Variants in LRRC4C observed in about 807,000 individuals in gnomAD.
The protein encoded by LRRC4C is leucine rich repeat containing 4C.
In LRRC4C, 5 loss-of-function variants were observed where a neutral mutation model predicts 33.6. The ratio of observed to expected loss-of-function variants is 0.15; its 90% CI spans 0.08 to 0.31. The LOEUF is 0.31. Among genes scored for constraint, LRRC4C ranks in the 10% least tolerant of loss-of-function variants. LRRC4C has a pLI of 1.00. For synonymous variants in LRRC4C, 329 were observed against 302.0 expected, an observed-to-expected ratio of 1.09 and a Z score of -0.93; for missense variants, 560 against 796.7, an observed-to-expected ratio of 0.70 and a Z score of 3.58.
intron 1 of LRRC4C, among the ~76,000 whole-genome samples, chr11:41,052,242 G>GT (rs1858284840): frequency 6.6e-6 from 1 of 152,106 alleles, no homozygotes; most frequent in African/African-American, 2.4e-5. Context: ...AAAACTCTCT[G>GT]TTTGAAAGTC....
At chr11:41,014,018 C>T (rs1236124760) in intron 1 of LRRC4C, among the ~76,000 whole-genome samples, 3 of 152,190 alleles carry the variant, frequency 2.0e-5, no homozygotes, top group Non-Finnish European at 4.4e-5. Context: ...GGCCCCACCT[C>T]CAACACTGGG....
At chr11:41,443,488 A>G (rs577045838) in intron 1 of LRRC4C, among the ~76,000 whole-genome samples, 382 of 152,294 alleles carry the variant, frequency 2.5e-3, no homozygotes, top group Non-Finnish European at 4.7e-3. Flanking sequence ...TATCCTGGGC[A>G]AGAGAGCAAG....
At chr11:40,119,838 C>G (rs1222162012) in intron 6 of LRRC4C, among the ~76,000 whole-genome samples, 1 of 152,102 alleles carries the variant, frequency 6.6e-6, no homozygotes, top group East Asian at 1.9e-4. Flanking sequence ...CAGTCACCTT[C>G]TTTATCAGGT....
chr11:40,407,877 T>C (rs1950016193), intron 3 of LRRC4C, among the ~76,000 whole-genome samples: 1 of 152,032 alleles, frequency 6.6e-6, no homozygotes, highest in African/African-American at 2.4e-5. Flanking sequence ...ACGAAAAGAA[T>C]TGGCAAAGAG....
intron 3 of LRRC4C, among the ~76,000 whole-genome samples, chr11:40,520,890 G>A (rs1955782001): frequency 6.6e-6 from 1 of 152,042 alleles, no homozygotes; most frequent in African/African-American, 2.4e-5. Context: ...TACATCCAGT[G>A]TATATTGATG....
intron 3 of LRRC4C, among the ~76,000 whole-genome samples, chr11:40,492,946 T>C (rs1954237580): frequency 6.6e-6 from 1 of 152,034 alleles, no homozygotes; most frequent in African/African-American, 2.4e-5. Context: ...TCACCTTTAA[T>C]TCCCAAGGGC....
At chr11:40,962,130 A>T (rs1426719244) in intron 1 of LRRC4C, among the ~76,000 whole-genome samples, 1 of 151,574 alleles carries the variant, frequency 6.6e-6, no homozygotes. Context: ...GACCTTTCAG[A>T]TGTGATTAAG....
chr11:40,951,669 G>A (rs928922036), intron 1 of LRRC4C, among the ~76,000 whole-genome samples: 1 of 151,918 alleles, frequency 6.6e-6, no homozygotes, highest in African/African-American at 2.4e-5. Flanking sequence ...CTTATCATAA[G>A]GGAATCCTCT....
rs1310094421 is a variant in LRRC4C at position 41,123,812 on chromosome 11, A to C, written c.-495-190089T>G. Among the ~76,000 whole-genome samples, 4 of 152,322 alleles carry C rather than the reference A, an allele frequency of 2.6e-5. No homozygotes were observed. The South Asian group carries it at 8.3e-4, about 32-fold the overall frequency. On this transcript the variant is annotated intron_variant, in intron 1 of 6. Transcript: ENST00000528697. ...TCTGGGTGTGTGGTTTAATCAATGC[A>C]GAGAAGAATAAGACAACAACTTCCT... is the stretch of plus-strand genomic sequence containing the variant.
chr11:41,316,084 C>A (rs2137225677), intron 1 of LRRC4C, among the ~76,000 whole-genome samples: 1 of 152,036 alleles, frequency 6.6e-6, no homozygotes, highest in East Asian at 1.9e-4. Flanking sequence ...AACCTCATGT[C>A]CAGCTCCAAC....
intron 2 of LRRC4C, among the ~76,000 whole-genome samples, chr11:40,678,449 A>C (rs2136313147): frequency 6.6e-6 from 1 of 152,282 alleles, no homozygotes; most frequent in South Asian, 2.1e-4. Context: ...ATTTTAAAAT[A>C]GTTTAGGATT....
chr11:40,287,380 C>T (rs563961646), intron 4 of LRRC4C, among the ~76,000 whole-genome samples: 3 of 151,406 alleles, frequency 2.0e-5, no homozygotes, highest in East Asian at 2.0e-4. Context: ...TGCGTGCCTG[C>T]GTGTGTTTGC....
At chr11:40,892,768 T>A (rs4486617) in intron 2 of LRRC4C, among the ~76,000 whole-genome samples, 86,502 of 152,038 alleles carry the variant, frequency 0.57, 29,259 homozygotes, top group East Asian at 0.88. Context: ...AGAATACAGG[T>A]TACCAGCGGC....
At chr11:40,305,381 T>C (rs1043715823) in intron 4 of LRRC4C, among the ~76,000 whole-genome samples, 8 of 152,220 alleles carry the variant, frequency 5.3e-5, no homozygotes, top group Admixed American at 2.0e-4. Context: ...ACTCCACTCA[T>C]AGAATGGTAC....
intron 1 of LRRC4C, among the ~76,000 whole-genome samples, chr11:41,244,190 T>TATCG (rs1193712658): frequency 2.0e-5 from 3 of 150,254 alleles, no homozygotes; most frequent in Non-Finnish European, 4.5e-5. Flanking sequence ...TCTATCTATC[T>TATCG]ATCGATCGTA....
chr11:40,989,767 CAG>C (rs947253272), intron 1 of LRRC4C, among the ~76,000 whole-genome samples: 33 of 151,996 alleles, frequency 2.2e-4, no homozygotes, highest in African/African-American at 6.8e-4. Context: ...CAAAAATAAT[CAG>C]AGAATCTTAG....
chr11:40,321,651 A>G (rs747396932), intron 3 of LRRC4C, among the ~76,000 whole-genome samples: 16 of 152,146 alleles, frequency 1.1e-4, no homozygotes, highest in Non-Finnish European at 2.4e-4. Context: ...TGGCACTACA[A>G]AGCTTGATGG....
chr11:41,211,636 G>A (rs932374003), intron 1 of LRRC4C, among the ~76,000 whole-genome samples: 4 of 152,058 alleles, frequency 2.6e-5, no homozygotes, highest in Non-Finnish European at 5.9e-5. Flanking sequence ...AGCTTCACCC[G>A]TGTCCCTACA....
chr11:41,172,256 A>G lies in LRRC4C; in HGVS notation c.-495-238533T>C, dbSNP rs187639099. Among the ~76,000 whole-genome samples the G allele has an allele frequency of 5.4e-3, 829 of 152,298 alleles. 4 individuals carry two copies. Among genetic ancestry groups the G allele is most frequent in the Non-Finnish European group, 8.0e-3 (543 of 68,022 alleles). On this transcript the variant is annotated intron_variant, in intron 1 of 6. Coordinates refer to ENST00000528697, the MANE Select transcript of LRRC4C (RefSeq NM_001258419.2). ...AAAGTCTGAATGCCATCAATTCAAT[A>G]TTCATGACAGGAAATAAAATTGCTG...
Sources: gnomAD v4.1 joint callset for allele counts (sites outside exome capture counted in the v4.1 genomes callset) on GRCh38, gnomAD v4.1.1 for gene constraint, MANE v1.5 for transcripts, NCBI Gene and HGNC (gene_info 2026-07-23, HGNC 2026-07-21) for gene names.